The following DPP10 variants were observed in gnomAD, a reference collection of about 807,000 sequenced individuals.
DPP10 encodes dipeptidyl peptidase like 10.
DPP10 carries 33 observed loss-of-function variants against 120.9 expected under a neutral mutation model. The ratio of observed to expected loss-of-function variants is 0.27; its 90% CI spans 0.21 to 0.37. The LOEUF is 0.37. DPP10 is among the 10% of genes least tolerant of loss of function. DPP10 has a pLI of 1.00. For missense variants in DPP10, 816 were observed against 942.8 expected (o/e 0.87, Z 1.76); for synonymous variants, 337 against 326.1 (o/e 1.03, Z -0.36).
intron 13 of DPP10, among the ~76,000 whole-genome samples, chr2:115,775,400 G>T (rs1045865906): frequency 3.3e-5 from 5 of 151,774 alleles, no homozygotes; most frequent in Non-Finnish European, 7.4e-5. Flanking sequence ...CAAAACTACA[G>T]ATTTTAAAAA....
At chr2:115,715,106 G>A (rs1000661371) in intron 7 of DPP10, among the ~76,000 whole-genome samples, 8 of 150,690 alleles carry the variant, frequency 5.3e-5, no homozygotes, top group Non-Finnish European at 1.2e-4. Flanking sequence ...TTGGGAGGCC[G>A]AGGGAGGCGG....
At chr2:114,557,145 G>A (rs867183156) in intron 1 of DPP10, among the ~76,000 whole-genome samples, 3 of 152,086 alleles carry the variant, frequency 2.0e-5, no homozygotes, top group East Asian at 3.9e-4. Flanking sequence ...GATGAATGCT[G>A]TGGCTTCCTT....
At chr2:114,649,806 T>C (rs1379074221) in intron 1 of DPP10, among the ~76,000 whole-genome samples, 2 of 141,890 alleles carry the variant, frequency 1.4e-5, no homozygotes, top group Non-Finnish European at 3.0e-5. Flanking sequence ...TCTTCTACTT[T>C]TATTTAGTAG....
chr2:115,641,909 G>A (rs1470655780), intron 5 of DPP10, among the ~76,000 whole-genome samples: 1 of 152,050 alleles, frequency 6.6e-6, no homozygotes, highest in African/African-American at 2.4e-5. Flanking sequence ...ATAATGAAAT[G>A]GAACATAGTA....
At chr2:115,381,000 T>A (rs1010786808) in intron 3 of DPP10, among the ~76,000 whole-genome samples, 1 of 152,182 alleles carries the variant, frequency 6.6e-6, no homozygotes, top group Non-Finnish European at 1.5e-5. Context: ...TTCCTTCATT[T>A]CAACTTTGGT....
rs150118762 is a variant in DPP10 at position 114,900,197 on chromosome 2, A to T, written c.61-409042A>T. ...ATTTTTGTCAAGAGGGTAGGACTTC[A>T]CATTGGGTTCTTACCAAAACAAGGT... On this transcript the variant is annotated intron_variant, in intron 1 of 25. Coordinates refer to ENST00000410059, the MANE Select transcript of DPP10 (RefSeq NM_020868.6). Among the ~76,000 whole-genome samples, 177 of 152,360 alleles carry T rather than the reference A, an allele frequency of 1.2e-3. 1 individual carries two copies. Among genetic ancestry groups the T allele is most frequent in the African/African-American group, 3.7e-3 (155 of 41,584 alleles).
intron 21 of DPP10, among the ~76,000 whole-genome samples, chr2:115,822,959 G>C (rs2150067209): frequency 6.6e-6 from 1 of 151,922 alleles, no homozygotes; most frequent in East Asian, 1.9e-4. Context: ...GTTTCACTGA[G>C]CTTTCTATAA....
At chr2:115,762,519 A>G (rs373361238) in intron 11 of DPP10, 53 bp from the exon 12 acceptor site, 11 of 1,602,066 alleles carry the variant, frequency 6.9e-6, no homozygotes, top group East Asian at 2.2e-5. Flanking sequence ...TTAAATTTAT[A>G]TATGCTCATT....
intron 1 of DPP10, among the ~76,000 whole-genome samples, chr2:114,919,550 A>T (rs1006600837): frequency 4.6e-5 from 7 of 152,202 alleles, no homozygotes; most frequent in African/African-American, 1.7e-4. Context: ...CATGTTGGTT[A>T]TATAACGCAA....
At chr2:115,516,466 A>G (rs1013563353) in intron 4 of DPP10, among the ~76,000 whole-genome samples, 1 of 144,060 alleles carries the variant, frequency 6.9e-6, no homozygotes. Flanking sequence ...GAAACAGCAA[A>G]TCAATCTATT....
intron 1 of DPP10, among the ~76,000 whole-genome samples, chr2:114,648,544 G>C (rs907464532): frequency 6.6e-6 from 1 of 152,164 alleles, no homozygotes; most frequent in Non-Finnish European, 1.5e-5. Flanking sequence ...CAAGGAAATA[G>C]AGAATTTTTG....
chr2:114,968,322 G>T (rs1574597244), intron 1 of DPP10, among the ~76,000 whole-genome samples: 1 of 152,116 alleles, frequency 6.6e-6, no homozygotes, highest in East Asian at 1.9e-4. Flanking sequence ...CTCTTGGTCA[G>T]CTCAGATGCT....
At chr2:115,126,780 C>G (rs1382391036) in intron 1 of DPP10, among the ~76,000 whole-genome samples, 1 of 152,116 alleles carries the variant, frequency 6.6e-6, no homozygotes, top group African/African-American at 2.4e-5. Context: ...TGTGATTCCA[C>G]AGTTCAACAC....
chr2:114,726,185 G>A lies in DPP10; in HGVS notation c.60+283347G>A, dbSNP rs368405785. Among the ~76,000 whole-genome samples, 17 of 150,614 alleles carry A rather than the reference G, an allele frequency of 1.1e-4. No homozygotes were observed. In the East Asian group the frequency reaches 2.1e-3, roughly 19 times the overall value. ...CGGGAGGCGGAGCTTGCAGTGAGCC[G>A]AGATTGCACCACTGCACTCCAGCCT... On this transcript the variant is annotated intron_variant, in intron 1 of 25. Transcript: ENST00000410059.
intron 1 of DPP10, among the ~76,000 whole-genome samples, chr2:115,250,522 G>A (rs1189995128): frequency 6.6e-6 from 1 of 152,152 alleles, no homozygotes; most frequent in Non-Finnish European, 1.5e-5. Flanking sequence ...GACTCAAAGG[G>A]AATGTCTGAG....
At chr2:115,007,662 G>T (rs1347981616) in intron 1 of DPP10, among the ~76,000 whole-genome samples, 2 of 151,770 alleles carry the variant, frequency 1.3e-5, no homozygotes, top group African/African-American at 2.4e-5. Flanking sequence ...CGACATGATT[G>T]TATATCTAGA....
At chr2:115,495,365 GAAAAAAA>G (rs3039998) in intron 3 of DPP10, among the ~76,000 whole-genome samples, 3 of 82,234 alleles carry the variant, frequency 3.6e-5, no homozygotes, top group South Asian at 6.0e-4. Flanking sequence ...GCCATTTTCT[GAAAAAAA>G]AAAAAAAAAA....
intron 5 of DPP10, among the ~76,000 whole-genome samples, chr2:115,657,909 C>T (rs928966873): frequency 6.6e-6 from 1 of 151,870 alleles, no homozygotes; most frequent in Non-Finnish European, 1.5e-5. Context: ...CCTTCTTCCA[C>T]AGCTGTGTGG....
At chr2:114,564,563 A>G (rs1428310505) in intron 1 of DPP10, among the ~76,000 whole-genome samples, 1 of 152,192 alleles carries the variant, frequency 6.6e-6, no homozygotes, top group Non-Finnish European at 1.5e-5. Context: ...GTTTTAAGTT[A>G]ATAAATCAAC....
Sources: gnomAD v4.1 joint callset for allele counts (sites outside exome capture counted in the v4.1 genomes callset) on GRCh38, gnomAD v4.1.1 for gene constraint, MANE v1.5 for transcripts, NCBI Gene and HGNC (gene_info 2026-07-23, HGNC 2026-07-21) for gene names.